The following REN variants were observed in gnomAD, a reference collection of about 807,000 sequenced individuals.
REN encodes renin.
Under a neutral mutation model 48.6 loss-of-function variants are expected in REN, and 42 were observed. The ratio of observed to expected loss-of-function variants is 0.86; its 90% CI spans 0.68 to 1.12. The LOEUF (loss-of-function observed/expected upper bound fraction) is 1.12. Ranked by LOEUF, REN falls within the 50% of genes most tolerant of loss-of-function variation. REN has a pLI of 0.00. For synonymous variants in REN, 196 were observed against 204.6 expected, an observed-to-expected ratio of 0.96 and a Z score of 0.36; for missense variants, 443 against 527.3, an observed-to-expected ratio of 0.84 and a Z score of 1.57.
At chr1:204,155,950 G>T (rs760219457) in intron 8 of REN, 32 bp from the exon 9 acceptor site, 1 of 1,573,182 alleles carries the variant, frequency 6.4e-7, no homozygotes, top group South Asian at 1.1e-5. Flanking sequence ...GCCTTCTTGA[G>T]TATGGAAGAC....
Position 204,162,097 on chromosome 1 carries a change from C to T in REN, c.165G>A (p.Arg55=). The change falls in exon 2 of 10, where the codon AGG becomes AGA. Residue 55 remains arginine (R), a synonymous_variant. Transcript: ENST00000272190. ...SLKERGVDMA[R]LGPEWSQPMK... is the part of the protein sequence containing the mutation. ...TGGGTTGGCTCCACTCGGGACCAAG[C>T]CTGGCCATGTCCACACCTCGTTCCT... 3 of 1,614,088 alleles carry T rather than the reference C, an allele frequency of 1.9e-6. No individual in the cohort carries two copies. Among genetic ancestry groups the T allele is most frequent in the Non-Finnish European group, 2.5e-6 (3 of 1,180,018 alleles).
At chr1:204,159,635 C>A (rs1016938847) in intron 4 of REN, 40 bp from the exon 5 acceptor site, 1 of 1,590,526 alleles carries the variant, frequency 6.3e-7, no homozygotes, top group South Asian at 1.1e-5. Flanking sequence ...GCCCACTGCC[C>A]ACTCCTTGGT....
chr1:204,156,537 A>G lies in REN; in HGVS notation c.818+140T>C. ...GTTCCCCAGCCTGGACAGAGCAGGC[A>G]GAGAGCAAATGGTGGCTGTGCTTAA... On this transcript the variant is annotated intron_variant, in intron 7 of 9. Transcript: ENST00000272190. The surrounding 1 kb of genome is among the most constrained non-coding windows in gnomAD (Gnocchi z 4.2). 1.5e-6 allele frequency: 2 copies of G among 1,378,750 alleles called. No individual in the cohort carries two copies. Among genetic ancestry groups the G allele is most frequent in the Non-Finnish European group, 2.0e-6 (2 of 979,362 alleles). The allele number at this position is 1,378,750 out of a possible 1,614,324, so 85.4% of individuals were successfully genotyped here.
chr1:204,166,070 G>A, intron 1 of REN, 126 bp downstream of exon 1: 1 of 795,092 alleles, frequency 1.3e-6, no homozygotes, highest in Admixed American at 2.0e-5. Context: ...TCTCTGAACA[G>A]GTCCATACTT....
intron 4 of REN, among the ~76,000 whole-genome samples, chr1:204,159,919 G>A (rs1016643112): frequency 1.3e-5 from 2 of 152,124 alleles, no homozygotes; most frequent in Non-Finnish European, 2.9e-5. Flanking sequence ...CTGGGTCTTG[G>A]CCCCCACCCT....
intron 1 of REN, among the ~76,000 whole-genome samples, chr1:204,164,977 C>CT (rs879485595): frequency 5.0e-4 from 73 of 144,588 alleles, no homozygotes; most frequent in South Asian, 6.6e-4. Context: ...TTTTTTCTTT[C>CT]TTTTTTTTTT....
chr1:204,156,405 TGTGGGTGG>T lies in REN; in HGVS notation c.819-94_819-87del. 1 of 1,322,774 alleles carries T rather than the reference TGTGGGTGG, an allele frequency of 7.6e-7. No individual in the cohort carries two copies. The highest frequency in any genetic ancestry group is 1.0e-6 in the Non-Finnish European group (1 of 955,756). The allele number at this position is 1,322,774 out of a possible 1,614,324, so 81.9% of individuals were successfully genotyped here. A position where few individuals can be genotyped will look rare whatever the true frequency, so the allele number is the denominator to read the frequency against. ...CTCCAGGCTGCATGTCCTTCCTGAG[TGTGGGTGG>T]GTGGGTGGAGGCCACGCTGGTGGCC... is the stretch of plus-strand genomic sequence containing the variant. On this transcript the variant is annotated intron_variant, in intron 7 of 9. Transcript: ENST00000272190. This position sits in a 1 kb window ranked among gnomAD's most constrained non-coding sequence, Gnocchi z 4.2.
rs755518784 is a variant in REN at position 204,155,771 on chromosome 1, TC to T, written c.1059+48del. ...TGTAATCTGTCACTCTTTGAGGGTC[TC>T]TGTCCAGCCTTTCTCCCTGCCACCG... On this transcript the variant is annotated intron_variant, in intron 9 of 9. Transcript: ENST00000272190. 158 of 1,353,024 alleles carry T rather than the reference TC, an allele frequency of 1.2e-4. No individual in the cohort carries two copies. The African/African-American group carries it at 2.0e-3, about 17-fold the overall frequency. 83.8% of individuals were successfully genotyped at this position (1,353,024 alleles called of 1,614,324 possible).
chr1:204,164,603 C>T (rs1044052805), intron 1 of REN, among the ~76,000 whole-genome samples: 9 of 127,774 alleles, frequency 7.0e-5, no homozygotes, highest in Non-Finnish European at 1.4e-4. Flanking sequence ...TAAGGTCTGG[C>T]TCTATCACCC....
intron 1 of REN, among the ~76,000 whole-genome samples, chr1:204,165,874 C>T (rs533251182): frequency 4.5e-4 from 68 of 152,318 alleles, no homozygotes; most frequent in Non-Finnish European, 9.4e-4. Context: ...AGGCAGGAGC[C>T]ACCGCGCCCA....
In REN at chr1:204,154,976, C is replaced by A. The variant is rs775591816; in HGVS notation, c.*40G>T. 1.9e-6 allele frequency: 3 copies of A among 1,610,686 alleles called. No individual in the cohort carries two copies. In the African/African-American group the frequency reaches 4.0e-5, roughly 21 times the overall value. On this transcript the variant is annotated 3_prime_UTR_variant, in exon 10 of 10. Coordinates refer to ENST00000272190, the MANE Select transcript of REN (RefSeq NM_000537.4). The stretch of plus-strand genomic sequence containing the variant: ...TCTCAGAGAGTGTTCCAGCTCTGGG[C>A]CAGGGCTGAAGGCAGGGCCTGCCTG...
At chr1:204,165,350 T>C (rs1658325316) in intron 1 of REN, among the ~76,000 whole-genome samples, 1 of 152,230 alleles carries the variant, frequency 6.6e-6, no homozygotes, top group Non-Finnish European at 1.5e-5. Flanking sequence ...CCCAGCTTTC[T>C]ATGCCTTATC....
intron 1 of REN, among the ~76,000 whole-genome samples, chr1:204,163,251 C>T (rs919072490): frequency 2.6e-5 from 4 of 152,202 alleles, no homozygotes; most frequent in African/African-American, 9.7e-5. Flanking sequence ...CCTTTCCTTC[C>T]TACATCCTTC....
intron 5 of REN, among the ~76,000 whole-genome samples, chr1:204,158,100 C>A (rs1482020291): frequency 1.1e-5 from 1 of 89,288 alleles, no homozygotes; most frequent in African/African-American, 4.7e-5. Context: ...CTGGATCTCA[C>A]CCCCCACGCC....
At chr1:204,157,576 C>T (rs923142017) in intron 5 of REN, among the ~76,000 whole-genome samples, 3 of 152,210 alleles carry the variant, frequency 2.0e-5, no homozygotes, top group African/African-American at 7.2e-5. Flanking sequence ...CCGTCTGGAG[C>T]TGATTCCCCT....
chr1:204,161,215 C>T, intron 3 of REN, 77 bp downstream of exon 3: 1 of 1,468,382 alleles, frequency 6.8e-7, no homozygotes, highest in Non-Finnish European at 9.1e-7. Flanking sequence ...GGGATGGGAG[C>T]TGGGTGTTGG....
chr1:204,159,750 CTG>C (rs1184432502), intron 4 of REN, among the ~76,000 whole-genome samples, 155 bp from the exon 5 acceptor site: 1 of 152,182 alleles, frequency 6.6e-6, no homozygotes, highest in Admixed American at 6.5e-5. Flanking sequence ...CGCACACACT[CTG>C]TGCCAATACA....
At position 204,160,665 on chromosome 1, in the gene REN, G is replaced by A. The variant is rs1658228261; in HGVS notation, c.387C>T (p.Leu129=). The A allele has an allele frequency of 1.2e-6, 2 of 1,613,556 alleles. No individual in the cohort carries two copies. The highest frequency in any genetic ancestry group is 8.5e-7 in the Non-Finnish European group (1 of 1,179,544). The change falls in exon 4 of 10, where the codon CTC becomes CTT. Residue 129 remains leucine, a synonymous_variant. Coordinates refer to ENST00000272190, the MANE Select transcript of REN (RefSeq NM_000537.4). The stretch of plus-strand genomic sequence containing the variant: ...AGCTGGAGGAATCCGAAGCATCGAA[G>A]AGCTTGTGATACACTGGCAGGGGGA... ...RLYTACVYHK[L]FDASDSSSYK...
intron 1 of REN, among the ~76,000 whole-genome samples, chr1:204,162,484 A>G (rs994847783): frequency 6.6e-6 from 1 of 152,182 alleles, no homozygotes; most frequent in Non-Finnish European, 1.5e-5. Context: ...CTGAACAACT[A>G]CTTTGTGCCT....
Sources: allele counts gnomAD v4.1 joint callset (sites outside exome capture counted in the v4.1 genomes callset), GRCh38; gene constraint gnomAD v4.1.1; non-coding constraint Gnocchi (gnomAD v3.1); transcripts MANE v1.5; gene names NCBI Gene and HGNC (gene_info 2026-07-23, HGNC 2026-07-21).